The following CCDC102B variants were observed in gnomAD, a reference collection of about 807,000 sequenced individuals.
CCDC102B encodes coiled-coil domain containing 102B, also known as coiled-coil domain-containing protein 102B.
CCDC102B carries 75 observed loss-of-function variants against 57.4 expected under a neutral mutation model. That is an observed-to-expected ratio of 1.31 (90% CI 1.08 to 1.58). The LOEUF (loss-of-function observed/expected upper bound fraction) is 1.58, where lower values mean the gene tolerates loss of function less well. Among genes scored for constraint, CCDC102B ranks in the 40% most tolerant of loss-of-function variants. The pLI is 0.00. For missense variants in CCDC102B, 636 were observed against 582.6 expected (o/e 1.09, Z -0.94); for synonymous variants, 206 against 201.9 (o/e 1.02, Z -0.17).
At chr18:68,806,629 C>A (rs1436991116) in intron 1 of CCDC102B, among the ~76,000 whole-genome samples, 2 of 152,024 alleles carry the variant, frequency 1.3e-5, no homozygotes, top group Admixed American at 6.5e-5. Context: ...AAAAGAGAAG[C>A]TCTTAAAGTC....
At chr18:68,772,226 A>G (rs1011092166) in intron 2 of CCDC102B, among the ~76,000 whole-genome samples, 5 of 152,160 alleles carry the variant, frequency 3.3e-5, no homozygotes, top group African/African-American at 1.2e-4. Context: ...AGTATCGTTT[A>G]ACACAATGAC....
intron 3 of CCDC102B, among the ~76,000 whole-genome samples, chr18:68,843,853 A>C (rs2144809436): frequency 6.6e-6 from 1 of 152,116 alleles, no homozygotes; most frequent in South Asian, 2.1e-4. Flanking sequence ...ACAGAATAAA[A>C]TGATTAGGCT....
rs1214087745 is a variant in CCDC102B, at chr18:68,897,228, T to C, written c.1063T>C (p.Leu355=). The C allele has an allele frequency of 1.6e-5, 26 of 1,611,658 alleles. No homozygotes were observed. Among genetic ancestry groups the C allele is most frequent in the Non-Finnish European group, 2.0e-5 (24 of 1,178,770 alleles). ...TGTTTTCTGTGTGTAGCTAGAGAGA[T>C]TGCAAGCTGAAAATACCTCGGAGTG... is the stretch of plus-strand genomic sequence containing the variant. ...ICELRAELER[L]QAENTSEWDK... Residue 355 remains leucine, a synonymous_variant, in exon 6 of 8, where the codon TTG becomes CTG. Coordinates refer to ENST00000360242, the MANE Select transcript of CCDC102B (RefSeq NM_024781.3).
intron 6 of CCDC102B, among the ~76,000 whole-genome samples, chr18:68,925,735 A>T (rs1055683023): frequency 2.0e-5 from 3 of 151,984 alleles, no homozygotes; most frequent in Non-Finnish European, 4.4e-5. Context: ...CAGCCAGTAG[A>T]TGTTTGGGAA....
intron 2 of CCDC102B, among the ~76,000 whole-genome samples, chr18:68,791,049 A>G (rs560528866): frequency 1.6e-4 from 25 of 152,364 alleles, no homozygotes; most frequent in Non-Finnish European, 3.2e-4. Flanking sequence ...CATACTATGT[A>G]GAGAAAATTA....
chr18:68,853,788 A>G (rs1391652167), intron 4 of CCDC102B, among the ~76,000 whole-genome samples: 1 of 149,232 alleles, frequency 6.7e-6, no homozygotes, highest in East Asian at 2.0e-4. Context: ...TCTTCTTTGT[A>G]GTGCTGTGAC....
chr18:68,966,040 T>G (rs2145243828), intron 6 of CCDC102B, among the ~76,000 whole-genome samples: 1 of 152,206 alleles, frequency 6.6e-6, no homozygotes, highest in South Asian at 2.1e-4. Flanking sequence ...TCGAGGTAGG[T>G]TTATTGTCAT....
chr18:68,973,949 T>C (rs548885868), intron 6 of CCDC102B, among the ~76,000 whole-genome samples: 1 of 152,232 alleles, frequency 6.6e-6, no homozygotes, highest in South Asian at 2.1e-4. Flanking sequence ...TCTTAGCGGC[T>C]GCAACATCAA....
chr18:68,925,843 C>T (rs952678282), intron 6 of CCDC102B, among the ~76,000 whole-genome samples: 1 of 151,928 alleles, frequency 6.6e-6, no homozygotes, highest in African/African-American at 2.4e-5. Context: ...AACACCAATA[C>T]AATAGACAGT....
chr18:68,943,765 T>C (rs1013097282), intron 6 of CCDC102B, among the ~76,000 whole-genome samples: 5 of 152,164 alleles, frequency 3.3e-5, no homozygotes, highest in Non-Finnish European at 5.9e-5. Context: ...AGATGGCCAA[T>C]GCTCAAAATT....
intron 5 of CCDC102B, among the ~76,000 whole-genome samples, chr18:68,876,739 C>T (rs2039464323): frequency 6.6e-6 from 1 of 152,096 alleles, no homozygotes; most frequent in East Asian, 1.9e-4. Flanking sequence ...TTTAAACATT[C>T]TGGGTTTATA....
chr18:68,846,204 C>A, intron 3 of CCDC102B, 109 bp from the exon 4 acceptor site: 2 of 504,628 alleles, frequency 4.0e-6, no homozygotes, highest in Non-Finnish European at 6.7e-6. Flanking sequence ...TTAAGATGAT[C>A]AGTTACAAAT....
Position 68,957,217 on chromosome 18 carries a change from A to C in CCDC102B, c.1264-53717A>C, listed in dbSNP as rs540592262. Among the ~76,000 whole-genome samples, 3 of 152,100 alleles carry C rather than the reference A, an allele frequency of 2.0e-5. No individual in the cohort carries two copies. The East Asian group carries it at 5.8e-4, about 29-fold the overall frequency. On this transcript the variant is annotated intron_variant, in intron 6 of 7. Transcript: ENST00000360242. ...ATTTTTGCCAAGGCCAATGTACTGG[A>C]GAGTTTCCCTAGAGTTTTCTTTTAA... is the stretch of plus-strand genomic sequence containing the variant.
intron 3 of CCDC102B, among the ~76,000 whole-genome samples, chr18:68,844,177 A>C (rs892466687): frequency 3.9e-5 from 6 of 151,904 alleles, no homozygotes; most frequent in African/African-American, 9.7e-5. Flanking sequence ...ATTTGAATTT[A>C]TTTTGAGTTT....
intron 4 of CCDC102B, among the ~76,000 whole-genome samples, chr18:68,863,729 T>G (rs918614479): frequency 7.9e-5 from 12 of 152,012 alleles, no homozygotes; most frequent in African/African-American, 2.9e-4. Flanking sequence ...ATTTTTCTTT[T>G]TTTAGTATCA....
intron 3 of CCDC102B, among the ~76,000 whole-genome samples, chr18:68,846,034 A>T (rs2037839965): frequency 6.6e-6 from 1 of 151,830 alleles, no homozygotes; most frequent in South Asian, 2.1e-4. Flanking sequence ...ATTGAGAGGC[A>T]AGCATGAAAT....
At position 68,837,262 on chromosome 18, in the gene CCDC102B, T is replaced by C. The variant is rs2037423667; in HGVS notation, c.499T>C (p.Ser167Pro). 1 of 1,614,052 alleles carries C rather than the reference T, an allele frequency of 6.2e-7. No homozygotes were observed. Among genetic ancestry groups the C allele is most frequent in the African/African-American group, 1.3e-5 (1 of 74,920 alleles). Residue 167 changes from serine (S) to proline (P), a missense_variant, in exon 2 of 8, where the codon TCC becomes CCC. By Grantham distance (74) the Ser-to-Pro change is moderately conservative. Transcript: ENST00000360242. ...GAAGCTTCCTGGCTTCGTAGAAGAA[T>C]CCTGTGAACATACAGACCAATTTCA... Reference protein sequence around the residue: ...DLKLPGFVEESCEHTDQFQLS... With the variant: ...DLKLPGFVEEPCEHTDQFQLS...
chr18:68,822,552 G>A (rs2036735364), intron 1 of CCDC102B, among the ~76,000 whole-genome samples: 1 of 151,764 alleles, frequency 6.6e-6, no homozygotes, highest in African/African-American at 2.4e-5. Context: ...AGATACATAA[G>A]GTACCTGTGC....
chr18:68,846,428 G>C lies in CCDC102B; in HGVS notation c.936+7G>C. On this transcript the variant is annotated splice_region_variant and intron_variant, in intron 4 of 7. Coordinates refer to ENST00000360242, the MANE Select transcript of CCDC102B (RefSeq NM_024781.3). Reference sequence around the variant, plus strand: ...GCCAAAAAATGTGAAAGAGGTATGGGGGAATATGATGTAAAGGAAGAAATG... The same window carrying C: ...GCCAAAAAATGTGAAAGAGGTATGGCGGAATATGATGTAAAGGAAGAAATG... The C allele has an allele frequency of 1.3e-6, 2 of 1,498,992 alleles. No individual in the cohort carries two copies. The highest frequency in any genetic ancestry group is 1.7e-4 in the Middle Eastern group (1 of 5,794). 92.9% of individuals were successfully genotyped at this position (1,498,992 alleles called of 1,614,324 possible). A position where few individuals can be genotyped will look rare whatever the true frequency, so the allele number is the denominator to read the frequency against.
Sources: allele counts gnomAD v4.1 joint callset (sites outside exome capture counted in the v4.1 genomes callset), GRCh38; gene constraint gnomAD v4.1.1; transcripts MANE v1.5; gene names NCBI Gene and HGNC (gene_info 2026-07-23, HGNC 2026-07-21).